PRDM11: variants seen among roughly 807,000 people sequenced by gnomAD.
PRDM11 encodes PR domain-containing protein 11.
A neutral mutation model predicts 97.8 loss-of-function variants in PRDM11; 20 were observed. The ratio of observed to expected loss-of-function variants is 0.20; its 90% CI spans 0.14 to 0.30. PRDM11 has a LOEUF of 0.30. PRDM11 is among the 10% of genes least tolerant of loss of function. PRDM11 has a pLI of 1.00. For synonymous variants in PRDM11, 599 were observed against 637.7 expected (o/e 0.94, Z 0.91); for missense variants, 1,139 against 1,555.2 (o/e 0.73, Z 4.50).
At chr11:45,161,425 C>T (rs572161541) in intron 1 of PRDM11, among the ~76,000 whole-genome samples, 3 of 152,286 alleles carry the variant, frequency 2.0e-5, no homozygotes, top group South Asian at 2.1e-4. Flanking sequence ...GGCTTGGCCC[C>T]GAAGGGTCTG....
intron 1 of PRDM11, among the ~76,000 whole-genome samples, chr11:45,139,630 C>T (rs1245688470): frequency 2.6e-5 from 4 of 151,124 alleles, no homozygotes; most frequent in Non-Finnish European, 5.9e-5. Context: ...TCCTTTGACC[C>T]TGAAATTTCA....
At chr11:45,188,382 G>A (rs1319788443) in intron 4 of PRDM11, among the ~76,000 whole-genome samples, 1 of 152,146 alleles carries the variant, frequency 6.6e-6, no homozygotes, top group African/African-American at 2.4e-5. Context: ...ACTGAGCTGG[G>A]GTTCAAACCT....
At chr11:45,195,508 G>A (rs1338591497) in intron 4 of PRDM11, among the ~76,000 whole-genome samples, 1 of 151,700 alleles carries the variant, frequency 6.6e-6, no homozygotes, top group Non-Finnish European at 1.5e-5. Context: ...CTTTCACTTC[G>A]CTTCATGTTT....
At chr11:45,143,829 G>A (rs560703115), upstream of PRDM11, among the ~76,000 whole-genome samples, 1 of 152,192 alleles carries the variant, frequency 6.6e-6, no homozygotes, top group African/African-American at 2.4e-5. Flanking sequence ...TGCCCTATTC[G>A]CTTCAATCCT....
intron 1 of PRDM11, among the ~76,000 whole-genome samples, chr11:45,121,319 A>G (rs1222797396): frequency 6.6e-6 from 1 of 152,172 alleles, no homozygotes; most frequent in Non-Finnish European, 1.5e-5. Flanking sequence ...AAGAATGAAA[A>G]GATATTGCTG....
At chr11:45,128,344 T>C (rs569702561) in intron 1 of PRDM11, among the ~76,000 whole-genome samples, 1 of 152,314 alleles carries the variant, frequency 6.6e-6, no homozygotes, top group East Asian at 1.9e-4. Context: ...CACAGTGCAC[T>C]GCACCCACTG....
At chr11:45,172,853 T>C (rs560049294) in intron 1 of PRDM11, among the ~76,000 whole-genome samples, 2 of 152,274 alleles carry the variant, frequency 1.3e-5, no homozygotes, top group South Asian at 4.2e-4. Context: ...TCCCCTCAGA[T>C]ACCAGGGTGC....
At chr11:45,217,102 C>T (rs943836606) in intron 5 of PRDM11, among the ~76,000 whole-genome samples, 22 of 152,184 alleles carry the variant, frequency 1.4e-4, no homozygotes, top group Non-Finnish European at 2.2e-4. Context: ...GGAACAACTT[C>T]TATTCTGTGC....
intron 1 of PRDM11, among the ~76,000 whole-genome samples, chr11:45,118,740 T>C (rs1057494053): frequency 6.6e-6 from 1 of 152,256 alleles, no homozygotes; most frequent in Non-Finnish European, 1.5e-5. Context: ...GTAACTCATT[T>C]CATATTGGGT....
intron 5 of PRDM11, among the ~76,000 whole-genome samples, chr11:45,207,857 T>A (rs1345439875): frequency 6.6e-6 from 1 of 152,228 alleles, no homozygotes; most frequent in Admixed American, 6.5e-5. Flanking sequence ...CCTTCCCCTC[T>A]TGGTTTCAGA....
intron 1 of PRDM11, among the ~76,000 whole-genome samples, chr11:45,154,638 G>A (rs1464735636): frequency 1.3e-5 from 2 of 152,088 alleles, no homozygotes; most frequent in African/African-American, 4.8e-5. Flanking sequence ...GGAGCCTTCA[G>A]TGCCTTCTAG....
chr11:45,139,604 T>C (rs1852955458), intron 1 of PRDM11, among the ~76,000 whole-genome samples: 1 of 148,846 alleles, frequency 6.7e-6, no homozygotes, highest in Non-Finnish European at 1.5e-5. Context: ...GTTTTTAGGA[T>C]GTAAAGCAGG....
chr11:45,206,421 A>G (rs1223927950), intron 5 of PRDM11, among the ~76,000 whole-genome samples: 2 of 152,160 alleles, frequency 1.3e-5, no homozygotes, highest in Non-Finnish European at 2.9e-5. Context: ...TTTGGACCCC[A>G]AGCCTGTGCT....
At chr11:45,225,345 G>A (rs1032756886) in intron 7 of PRDM11, among the ~76,000 whole-genome samples, 6 of 152,158 alleles carry the variant, frequency 3.9e-5, no homozygotes, top group Non-Finnish European at 7.3e-5. Flanking sequence ...GGGGATCCAG[G>A]CCATTCACCT....
At chr11:45,205,185 G>A (rs1327909946) in intron 5 of PRDM11, among the ~76,000 whole-genome samples, 1 of 152,214 alleles carries the variant, frequency 6.6e-6, no homozygotes, top group Non-Finnish European at 1.5e-5. Context: ...CAGCCTCCAT[G>A]GAAGAAAGGG....
At chr11:45,185,751 C>T (rs1041205904) in intron 4 of PRDM11, among the ~76,000 whole-genome samples, 2 of 152,072 alleles carry the variant, frequency 1.3e-5, no homozygotes, top group South Asian at 4.2e-4. Flanking sequence ...CACATAATGT[C>T]CCCCCAAAAA....
chr11:45,113,780 C>A (rs1852235757), intron 1 of PRDM11, among the ~76,000 whole-genome samples: 1 of 138,998 alleles, frequency 7.2e-6, no homozygotes, highest in Non-Finnish European at 1.5e-5. Context: ...TATAAGAGTG[C>A]TACTGATTTG....
chr11:45,187,210 G>A (rs1852735831), intron 4 of PRDM11, among the ~76,000 whole-genome samples: 1 of 152,222 alleles, frequency 6.6e-6, no homozygotes, highest in Admixed American at 6.5e-5. Context: ...GCAGAGGGCT[G>A]TAGCAGTAGG....
chr11:45,120,362 T>G (rs555756249), intron 1 of PRDM11, among the ~76,000 whole-genome samples: 1 of 152,258 alleles, frequency 6.6e-6, no homozygotes, highest in Admixed American at 6.5e-5. Context: ...AGATTTAGTT[T>G]TATAAAGCAA....
Sources: gnomAD v4.1 joint callset for allele counts (sites outside exome capture counted in the v4.1 genomes callset) on GRCh38, gnomAD v4.1.1 for gene constraint, MANE v1.5 for transcripts, NCBI Gene and HGNC (gene_info 2026-07-23, HGNC 2026-07-21) for gene names.